FRRS1: variants seen among roughly 807,000 people sequenced by gnomAD.
The protein encoded by FRRS1 is ferric reductase 1.
Under a neutral mutation model 70.7 loss-of-function variants are expected in FRRS1, and 51 were observed. The ratio of observed to expected loss-of-function variants is 0.72; its 90% CI spans 0.58 to 0.91. The LOEUF is 0.91. FRRS1 is among the 40% of genes least tolerant of loss of function. FRRS1 has a pLI of 0.00. For missense variants in FRRS1, 672 were observed against 726.0 expected, an observed-to-expected ratio of 0.93 and a Z score of 0.86; for synonymous variants, 225 against 238.7, an observed-to-expected ratio of 0.94 and a Z score of 0.53.
rs138526566 is a variant in FRRS1 at position 99,719,864 on chromosome 1, G to C, written c.1007-217C>G. Reference sequence around the variant, plus strand: ...AAAGTTAAAGAATGTAGCCAACCAAGAGATGAATTAAAATGACAACTAGGA... The same window carrying C: ...AAAGTTAAAGAATGTAGCCAACCAACAGATGAATTAAAATGACAACTAGGA... On this transcript the variant is annotated intron_variant, in intron 9 of 16. Coordinates refer to ENST00000646001, the MANE Select transcript of FRRS1 (RefSeq NM_001361041.2). 3.1e-3 allele frequency among the ~76,000 whole-genome samples: 475 copies of C among 152,226 alleles called. 2 individuals carry two copies. Among genetic ancestry groups the C allele is most frequent in the African/African-American group, 0.011 (457 of 41,542 alleles).
intron 1 of FRRS1, among the ~76,000 whole-genome samples, chr1:99,759,956 T>C (rs1233381286): frequency 1.3e-5 from 2 of 152,196 alleles, no homozygotes; most frequent in East Asian, 3.8e-4. Context: ...AGGTGAAAAG[T>C]AAACAGGTCC....
At chr1:99,742,011 AG>A (rs1655988896) in intron 5 of FRRS1, among the ~76,000 whole-genome samples, 167 bp downstream of exon 5, 1 of 152,200 alleles carries the variant, frequency 6.6e-6, no homozygotes, top group African/African-American at 2.4e-5. Flanking sequence ...GTAGTTACAG[AG>A]TTGTAAACTT....
chr1:99,724,823 T>C (rs1385745531), intron 9 of FRRS1, among the ~76,000 whole-genome samples: 1 of 152,000 alleles, frequency 6.6e-6, no homozygotes, highest in African/African-American at 2.4e-5. Flanking sequence ...GTGCTGCAAA[T>C]ATATGTATAT....
chr1:99,738,971 T>G (rs1655817046), intron 6 of FRRS1, among the ~76,000 whole-genome samples: 7 of 152,168 alleles, frequency 4.6e-5, no homozygotes. Flanking sequence ...TGAGCAGACT[T>G]TGTTCGAATG....
rs546055347 is a variant in FRRS1, at chr1:99,707,233, T to C, written c.*1795A>G. On this transcript the variant is annotated 3_prime_UTR_variant, in exon 17 of 17. Coordinates refer to ENST00000646001, the MANE Select transcript of FRRS1 (RefSeq NM_001361041.2). ...AAGTTGGTTAAGTAAATTCAAAAAA[T>C]AAAAATATAAAAAAGAAATAATGAG... Among the ~76,000 whole-genome samples, 1 of 151,708 alleles carries C rather than the reference T, an allele frequency of 6.6e-6. No individual in the cohort carries two copies. Among genetic ancestry groups the C allele is most frequent in the South Asian group, 2.1e-4 (1 of 4,806 alleles).
chr1:99,740,816 G>A lies in FRRS1; in HGVS notation c.553C>T (p.Pro185Ser). 1.9e-6 allele frequency: 3 copies of A among 1,612,480 alleles called. No individual in the cohort carries two copies. Among genetic ancestry groups the A allele is most frequent in the Non-Finnish European group, 2.5e-6 (3 of 1,178,480 alleles). ...ACTGGTTTGGTTAAGTGGGAAACGG[G>A]AGGTAACGTTGGCAAAGGTACTACT... is the stretch of plus-strand genomic sequence containing the variant. The part of the protein sequence containing the change: ...ATVVPLPTLP[P>S]VSHLTKPFSA... Residue 185 changes from proline (P) to serine (S), a missense_variant, in exon 6 of 17, where the codon CCC becomes TCC. By Grantham distance (74) the Pro-to-Ser change is moderately conservative (BLOSUM62 -1). Transcript: ENST00000646001.
chr1:99,751,039 C>G (rs12729565), intron 1 of FRRS1, among the ~76,000 whole-genome samples: 4,016 of 152,186 alleles, frequency 0.026, 109 homozygotes, highest in South Asian at 0.17. Context: ...AAAAGATCAC[C>G]TCACCAAAGT....
At position 99,725,068 on chromosome 1, in the gene FRRS1, C is replaced by T. The variant is rs142607872; in HGVS notation, c.1006+3425G>A. Among the ~76,000 whole-genome samples, 441 of 152,242 alleles carry T rather than the reference C, an allele frequency of 2.9e-3. 2 individuals carry two copies. The Middle Eastern group carries it at 0.058, about 20-fold the overall frequency. On this transcript the variant is annotated intron_variant, in intron 9 of 16. Coordinates refer to ENST00000646001, the MANE Select transcript of FRRS1 (RefSeq NM_001361041.2). The stretch of plus-strand genomic sequence containing the variant: ...ATGGTTTTGGGATGAAACTGCTCCA[C>T]CTTAGATCAAAATGCATTAGATTCT...
rs565943384 is a variant in FRRS1, at chr1:99,719,579, T to G, written c.1075A>C (p.Lys359Gln). The change falls in exon 10 of 17, where the codon AAG becomes CAG. Residue 359 changes from lysine (K) to glutamine (Q), a missense_variant. Physicochemically the swap from Lys to Gln is moderately conservative, Grantham distance 53. Transcript: ENST00000646001. The stretch of plus-strand genomic sequence containing the variant: ...ACAGAATGGGATCCTCCTATGTTCT[T>G]TGGAGAGTCTGTCACATCATATTTT... ...YEKYDVTDSPKNIGGSHSVLL... is the reference protein window; with the variant it reads ...YEKYDVTDSPQNIGGSHSVLL... 6.2e-7 allele frequency: 1 copy of G among 1,611,332 alleles called. No individual in the cohort carries two copies. The highest frequency in any genetic ancestry group is 1.1e-5 in the South Asian group (1 of 90,994).
chr1:99,717,766 G>A (rs1310311160), intron 10 of FRRS1, among the ~76,000 whole-genome samples: 5 of 152,126 alleles, frequency 3.3e-5, no homozygotes. Context: ...TACTAATTTA[G>A]TTGATCTTTA....
chr1:99,727,682 C>T (rs1030928364), intron 9 of FRRS1, among the ~76,000 whole-genome samples: 2 of 152,156 alleles, frequency 1.3e-5, no homozygotes, highest in African/African-American at 2.4e-5. Context: ...TCTACCTTCT[C>T]GCCATTTTCA....
intron 1 of FRRS1, among the ~76,000 whole-genome samples, chr1:99,755,952 T>C (rs534227786): frequency 1.1e-4 from 17 of 152,246 alleles, no homozygotes; most frequent in Admixed American, 2.6e-4. Flanking sequence ...TCAATTTTCA[T>C]TATAATAGCT....
chr1:99,746,638 A>C (rs947956389), intron 4 of FRRS1, among the ~76,000 whole-genome samples: 3 of 152,246 alleles, frequency 2.0e-5, no homozygotes, highest in African/African-American at 7.2e-5. Context: ...GATGACGATG[A>C]GGACTATGGA....
intron 9 of FRRS1, among the ~76,000 whole-genome samples, chr1:99,726,462 T>G (rs902649466): frequency 6.6e-6 from 1 of 152,218 alleles, no homozygotes; most frequent in African/African-American, 2.4e-5. Flanking sequence ...TTCCTGGCTC[T>G]GCTACTTGTT....
chr1:99,733,308 T>G (rs1412217761), intron 7 of FRRS1, among the ~76,000 whole-genome samples: 1 of 152,052 alleles, frequency 6.6e-6, no homozygotes. Flanking sequence ...ATAGTGACAA[T>G]GCAACAAAGA....
intron 1 of FRRS1, among the ~76,000 whole-genome samples, chr1:99,753,494 G>A (rs750179649): frequency 3.2e-4 from 49 of 152,186 alleles, no homozygotes; most frequent in Non-Finnish European, 5.6e-4. Flanking sequence ...CTGGCCGGGC[G>A]CGGTGGCTCA....
intron 1 of FRRS1, among the ~76,000 whole-genome samples, chr1:99,763,595 G>A (rs977273685): frequency 3.3e-5 from 5 of 152,030 alleles, no homozygotes; most frequent in Admixed American, 6.6e-5. Flanking sequence ...CAGTTCGGGC[G>A]CAGTGGCTGA....
intron 7 of FRRS1, among the ~76,000 whole-genome samples, chr1:99,733,045 G>A (rs2105180): frequency 0.49 from 75,088 of 151,738 alleles, 22,555 homozygotes; most frequent in African/African-American, 0.85. Context: ...TGAGGGTCTC[G>A]CCATGTGTTC....
At position 99,706,657 on chromosome 1, in the gene FRRS1, G is replaced by A. The variant is rs1198691556; in HGVS notation, c.*2371C>T. On this transcript the variant is annotated 3_prime_UTR_variant, in exon 17 of 17. Coordinates refer to ENST00000646001, the MANE Select transcript of FRRS1 (RefSeq NM_001361041.2). Reference sequence around the variant, plus strand: ...GCCTGTAATCCCAGCACTTTGGGAGGCTGAGGCGGGTGGATTACTTTAGAC... The same window carrying A: ...GCCTGTAATCCCAGCACTTTGGGAGACTGAGGCGGGTGGATTACTTTAGAC... 6.6e-6 allele frequency among the ~76,000 whole-genome samples: 1 copy of A among 152,112 alleles called. No homozygotes were observed. The highest frequency in any genetic ancestry group is 1.5e-5 in the Non-Finnish European group (1 of 68,014).
Sources: gnomAD v4.1 joint callset for allele counts (sites outside exome capture counted in the v4.1 genomes callset) on GRCh38, gnomAD v4.1.1 for gene constraint, MANE v1.5 for transcripts, NCBI Gene and HGNC (gene_info 2026-07-23, HGNC 2026-07-21) for gene names.